Variants in CSMD1 observed in about 807,000 individuals in gnomAD.
CSMD1 encodes the protein CUB and sushi domain-containing protein 1.
A neutral mutation model predicts 417.5 loss-of-function variants in CSMD1; 213 were observed. That is an observed-to-expected ratio of 0.51 (90% CI 0.46 to 0.57). The LOEUF (loss-of-function observed/expected upper bound fraction) is 0.57, where lower values mean the gene tolerates loss of function less well. Among genes scored for constraint, CSMD1 ranks in the 20% least tolerant of loss-of-function variants. The pLI, the probability that CSMD1 is intolerant of heterozygous loss-of-function variation, is 0.00. For synonymous variants in CSMD1, 2,862 were observed against 1,736.8 expected (o/e 1.65, Z -16.11); for missense variants, 6,923 against 4,529.7 (o/e 1.53, Z -15.17).
chr8:4,492,122 G>T (rs892532994), intron 2 of CSMD1, among the ~76,000 whole-genome samples: 1 of 152,112 alleles, frequency 6.6e-6, no homozygotes, highest in African/African-American at 2.4e-5. Flanking sequence ...TTAGATACAG[G>T]GTCTTACGCT....
At chr8:4,888,651 A>G (rs968714932) in intron 1 of CSMD1, among the ~76,000 whole-genome samples, 2 of 152,088 alleles carry the variant, frequency 1.3e-5, no homozygotes, top group African/African-American at 4.8e-5. Context: ...CTTCACCATA[A>G]ATATCATTTG....
chr8:3,486,629 G>A lies in CSMD1; in HGVS notation c.1448+6994C>T, dbSNP rs1192613352. Among the ~76,000 whole-genome samples the A allele has an allele frequency of 5.3e-5, 8 of 152,232 alleles. No individual in the cohort carries two copies. In the East Asian group the frequency reaches 1.5e-3, roughly 29 times the overall value. On this transcript the variant is annotated intron_variant, in intron 11 of 69. Coordinates refer to ENST00000635120, the MANE Select transcript of CSMD1 (RefSeq NM_033225.6). ...TGTTCACTCAGCTGCCTGGAGCCCAGATTAGCTGAAATGGAGCACCACCTT... is the reference window on the plus strand; with the variant it reads ...TGTTCACTCAGCTGCCTGGAGCCCAAATTAGCTGAAATGGAGCACCACCTT...
chr8:4,003,785 G>T (rs892598371), intron 4 of CSMD1, among the ~76,000 whole-genome samples: 1 of 152,112 alleles, frequency 6.6e-6, no homozygotes. Flanking sequence ...TCAACTTAGG[G>T]TCTGATGTCT....
Position 4,295,740 on chromosome 8 carries a change from A to G in CSMD1, c.415+124213T>C, listed in dbSNP as rs62478596. On this transcript the variant is annotated intron_variant, in intron 3 of 69. Coordinates refer to ENST00000635120, the MANE Select transcript of CSMD1 (RefSeq NM_033225.6). ...ATTATATATATCTGTGTGTGTGTATATGTGTGTGTGTATATATATATATAT... is the reference window on the plus strand; with the variant it reads ...ATTATATATATCTGTGTGTGTGTATGTGTGTGTGTGTATATATATATATAT... 9.3e-3 allele frequency among the ~76,000 whole-genome samples: 306 copies of G among 32,920 alleles called. 1 individual carries two copies. The highest frequency in any genetic ancestry group is 0.015 in the African/African-American group (102 of 6,794). 21.6% of individuals were successfully genotyped at this position (32,920 alleles called of 152,430 possible). A position where few individuals can be genotyped will look rare whatever the true frequency, so the allele number is the denominator to read the frequency against.
At chr8:3,784,098 G>A (rs973893299) in intron 5 of CSMD1, among the ~76,000 whole-genome samples, 2 of 152,088 alleles carry the variant, frequency 1.3e-5, no homozygotes, top group African/African-American at 4.8e-5. Context: ...AAACATTAGT[G>A]TGTTTGGACA....
At chr8:4,166,799 T>TG (rs1372750313) in intron 3 of CSMD1, among the ~76,000 whole-genome samples, 1 of 152,224 alleles carries the variant, frequency 6.6e-6, no homozygotes, top group Non-Finnish European at 1.5e-5. Context: ...GATCAGGGTG[T>TG]GTTTAATGAG....
intron 1 of CSMD1, among the ~76,000 whole-genome samples, chr8:4,978,885 C>T (rs887291225): frequency 1.3e-5 from 2 of 152,116 alleles, no homozygotes; most frequent in African/African-American, 2.4e-5. Context: ...TTGCAGTGAG[C>T]TGAGATTGTG....
At chr8:3,139,054 AC>A (rs1170488411) in intron 41 of CSMD1, among the ~76,000 whole-genome samples, 1 of 152,168 alleles carries the variant, frequency 6.6e-6, no homozygotes, top group East Asian at 1.9e-4. Context: ...TGCACCTCAC[AC>A]TTAGTGAGAT....
At chr8:4,711,730 T>C (rs1808311356) in intron 1 of CSMD1, among the ~76,000 whole-genome samples, 1 of 152,174 alleles carries the variant, frequency 6.6e-6, no homozygotes, top group Non-Finnish European at 1.5e-5. Flanking sequence ...AATTCCAGAA[T>C]TTCCTTCAGT....
intron 5 of CSMD1, among the ~76,000 whole-genome samples, chr8:3,809,655 A>G (rs962247632): frequency 6.6e-6 from 1 of 152,172 alleles, no homozygotes; most frequent in African/African-American, 2.4e-5. Context: ...TCATTCTAAC[A>G]TCAGGTGATG....
At chr8:4,739,632 C>A (rs1229534811) in intron 1 of CSMD1, among the ~76,000 whole-genome samples, 2 of 152,156 alleles carry the variant, frequency 1.3e-5, no homozygotes, top group Non-Finnish European at 2.9e-5. Context: ...GTTATCATGG[C>A]ATTAACACAG....
intron 23 of CSMD1, among the ~76,000 whole-genome samples, chr8:3,315,238 T>C (rs1584985203): frequency 6.6e-6 from 1 of 152,204 alleles, no homozygotes; most frequent in Admixed American, 6.5e-5. Flanking sequence ...TGCTTTTTAT[T>C]AACTCTATTT....
chr8:3,394,889 A>G (rs1176974810), intron 17 of CSMD1, among the ~76,000 whole-genome samples: 2 of 152,218 alleles, frequency 1.3e-5, no homozygotes, highest in Admixed American at 6.5e-5. Flanking sequence ...ATTTGTCATT[A>G]AGTCATTGAT....
intron 3 of CSMD1, among the ~76,000 whole-genome samples, chr8:4,287,978 T>C (rs1385728911): frequency 1.3e-5 from 2 of 152,176 alleles, no homozygotes; most frequent in Admixed American, 6.5e-5. Flanking sequence ...AATATGATAA[T>C]AAAATTAAGG....
rs144478272 is a variant in CSMD1, at chr8:4,798,066, G to A, written c.86-160508C>T. Among the ~76,000 whole-genome samples, 1,188 of 152,286 alleles carry A rather than the reference G, an allele frequency of 7.8e-3. 13 individuals carry two copies. The highest frequency in any genetic ancestry group is 0.028 in the African/African-American group (1,152 of 41,548). Reference sequence around the variant, plus strand: ...CTAGGGTACATGCGCACAACGTGCAGGTTTCTTAAGTATGTGTAAATGTGC... The same window carrying A: ...CTAGGGTACATGCGCACAACGTGCAAGTTTCTTAAGTATGTGTAAATGTGC... On this transcript the variant is annotated intron_variant, in intron 1 of 69. Coordinates refer to ENST00000635120, the MANE Select transcript of CSMD1 (RefSeq NM_033225.6).
At chr8:3,511,862 G>T (rs1022490810) in intron 10 of CSMD1, among the ~76,000 whole-genome samples, 11 of 150,470 alleles carry the variant, frequency 7.3e-5, no homozygotes, top group Non-Finnish European at 1.6e-4. Flanking sequence ...AATGTAATAT[G>T]CAATTTATCG....
intron 7 of CSMD1, among the ~76,000 whole-genome samples, chr8:3,635,976 T>C (rs1208507720): frequency 6.6e-6 from 1 of 152,170 alleles, no homozygotes; most frequent in Non-Finnish European, 1.5e-5. Context: ...TTTGGCTCTT[T>C]TGTAATAACA....
At chr8:4,440,597 T>G (rs1370232472) in intron 2 of CSMD1, among the ~76,000 whole-genome samples, 2 of 152,354 alleles carry the variant, frequency 1.3e-5, no homozygotes, top group Middle Eastern at 3.4e-3. Context: ...TTTAGCATTT[T>G]CTCTGGAAAG....
intron 26 of CSMD1, among the ~76,000 whole-genome samples, chr8:3,280,987 A>C (rs918463073): frequency 6.6e-6 from 1 of 152,200 alleles, no homozygotes; most frequent in South Asian, 2.1e-4. Context: ...GAGTAAAATG[A>C]AGTACATTCT....
Sources: allele counts gnomAD v4.1 joint callset (sites outside exome capture counted in the v4.1 genomes callset), GRCh38; gene constraint gnomAD v4.1.1; transcripts MANE v1.5; gene names NCBI Gene and HGNC (gene_info 2026-07-23, HGNC 2026-07-21).